Variants in ROBO1 observed in about 807,000 individuals in gnomAD.
ROBO1 encodes roundabout homolog 1.
ROBO1 carries 149 observed loss-of-function variants against 195.9 expected under a neutral mutation model. The ratio of observed to expected loss-of-function variants is 0.76; its 90% CI spans 0.67 to 0.87. ROBO1 has a LOEUF of 0.87. Among genes scored for constraint, ROBO1 ranks in the 40% least tolerant of loss-of-function variants. The pLI is 0.00. For missense variants in ROBO1, 1,933 were observed against 2,068.3 expected (o/e 0.93, Z 1.27); for synonymous variants, 816 against 733.2 (o/e 1.11, Z -1.82).
chr3:79,289,469 A>G (rs951364105), intron 2 of ROBO1, among the ~76,000 whole-genome samples: 4 of 152,154 alleles, frequency 2.6e-5, no homozygotes, highest in African/African-American at 9.7e-5. Context: ...CTTTTAAACC[A>G]ATGGATGTCT....
At chr3:79,512,031 C>T (rs952690751) in intron 2 of ROBO1, among the ~76,000 whole-genome samples, 10 of 152,022 alleles carry the variant, frequency 6.6e-5, no homozygotes, top group Non-Finnish European at 1.5e-4. Flanking sequence ...AACACGTTTA[C>T]CTTTGTAACT....
Position 79,314,947 on chromosome 3 carries a change from G to A in ROBO1, c.89-189408C>T, listed in dbSNP as rs373253337. Among the ~76,000 whole-genome samples the A allele has an allele frequency of 2.2e-3, 331 of 152,326 alleles. 1 individual carries two copies. Among genetic ancestry groups the A allele is most frequent in the African/African-American group, 6.9e-3 (289 of 41,584 alleles). Reference sequence around the variant, plus strand: ...AGAAGAATAGGAAATAATAGAGTTGGAGAGTGCAGTTTTAGAGTGGATAGT... The same window carrying A: ...AGAAGAATAGGAAATAATAGAGTTGAAGAGTGCAGTTTTAGAGTGGATAGT... On this transcript the variant is annotated intron_variant, in intron 2 of 30. Coordinates refer to ENST00000464233, the MANE Select transcript of ROBO1 (RefSeq NM_002941.4).
chr3:78,673,043 A>C (rs940570936), intron 10 of ROBO1, among the ~76,000 whole-genome samples: 2 of 152,114 alleles, frequency 1.3e-5, no homozygotes, highest in African/African-American at 4.8e-5. Flanking sequence ...GGGGAATTGG[A>C]TATGCAATTG....
chr3:78,948,359 C>T (rs1478767445), intron 3 of ROBO1, among the ~76,000 whole-genome samples: 2 of 152,158 alleles, frequency 1.3e-5, no homozygotes, highest in African/African-American at 2.4e-5. Context: ...GCTGGTTCAA[C>T]ATACACAAAT....
chr3:79,444,572 A>C (rs1331276197), intron 2 of ROBO1, among the ~76,000 whole-genome samples: 1 of 152,156 alleles, frequency 6.6e-6, no homozygotes, highest in Non-Finnish European at 1.5e-5. Context: ...TTGAACATTC[A>C]TATGTCCTAC....
intron 4 of ROBO1, among the ~76,000 whole-genome samples, chr3:78,907,821 G>A (rs1324136139): frequency 1.3e-5 from 2 of 151,700 alleles, no homozygotes; most frequent in African/African-American, 4.8e-5. Flanking sequence ...GGTACATTAA[G>A]AAAAACATGA....
At chr3:79,392,660 A>G (rs2036997434) in intron 2 of ROBO1, among the ~76,000 whole-genome samples, 1 of 152,186 alleles carries the variant, frequency 6.6e-6, no homozygotes, top group Non-Finnish European at 1.5e-5. Flanking sequence ...TGAAACCCCA[A>G]TGACTAGGAC....
chr3:78,863,987 T>G (rs1318539699), intron 4 of ROBO1, among the ~76,000 whole-genome samples: 1 of 152,228 alleles, frequency 6.6e-6, no homozygotes, highest in African/African-American at 2.4e-5. Context: ...TGTAAAGTGC[T>G]AAGGGATTAC....
At chr3:79,374,852 T>C (rs1484159979) in intron 2 of ROBO1, among the ~76,000 whole-genome samples, 5 of 152,078 alleles carry the variant, frequency 3.3e-5, no homozygotes, top group Non-Finnish European at 5.9e-5. Context: ...TTTTTTCTAA[T>C]TCATATTAAC....
chr3:78,614,730 A>G lies in ROBO1; in HGVS notation c.4353T>C (p.Ser1451=), dbSNP rs1444619283. The G allele has an allele frequency of 1.1e-5, 18 of 1,612,806 alleles. No homozygotes were observed. The highest frequency in any genetic ancestry group is 1.7e-5 in the Admixed American group (1 of 59,836). Residue 1451 remains serine (S), a synonymous_variant, in exon 28 of 31, where the codon AGT becomes AGC. Transcript: ENST00000464233. The part of the protein sequence containing the change: ...TSPVSTDSNM[S]AAVMQKTRPA... The stretch of plus-strand genomic sequence containing the variant: ...GTCTGGTTTTCTGCATTACGGCGGC[A>G]CTCATGTTGCTGTCTGTAGACACGG...
chr3:78,940,366 T>C (rs1409467965), intron 3 of ROBO1, among the ~76,000 whole-genome samples: 1 of 152,238 alleles, frequency 6.6e-6, no homozygotes, highest in East Asian at 1.9e-4. Context: ...GCAAATATAA[T>C]GTGGGTTGTC....
At chr3:79,116,973 A>G (rs1052296897) in intron 3 of ROBO1, among the ~76,000 whole-genome samples, 1 of 152,226 alleles carries the variant, frequency 6.6e-6, no homozygotes, top group African/African-American at 2.4e-5. Flanking sequence ...CCATGGATGC[A>G]GAAGTGGTGA....
In ROBO1 at chr3:78,760,168, C is replaced by T. The variant is rs370027123; in HGVS notation, c.500-13268G>A. Among the ~76,000 whole-genome samples the T allele has an allele frequency of 1.4e-4, 21 of 152,202 alleles. No individual in the cohort carries two copies. The South Asian group carries it at 3.1e-3, about 23-fold the overall frequency. The stretch of plus-strand genomic sequence containing the variant: ...TATGTGAGACGTGACTTTCACCTTC[C>T]GCCATGATTGTGAGGCCTCCCCAGC... On this transcript the variant is annotated intron_variant, in intron 4 of 30. Transcript: ENST00000464233.
intron 3 of ROBO1, among the ~76,000 whole-genome samples, chr3:79,081,224 T>C (rs1195199934): frequency 6.6e-6 from 1 of 151,990 alleles, no homozygotes. Context: ...AGAAGCTTGC[T>C]ATAGATATTG....
chr3:79,338,922 C>T (rs1352951534), intron 2 of ROBO1, among the ~76,000 whole-genome samples: 1 of 152,122 alleles, frequency 6.6e-6, no homozygotes, highest in African/African-American at 2.4e-5. Flanking sequence ...ATTAAAAAAT[C>T]AAACTTTGAT....
At chr3:79,727,345 T>A (rs75471029) in intron 1 of ROBO1, among the ~76,000 whole-genome samples, 1,914 of 152,256 alleles carry the variant, frequency 0.013, 35 homozygotes, top group African/African-American at 0.042. Flanking sequence ...CTAATATGAT[T>A]AATTTTGTAG....
chr3:79,000,595 A>C (rs558763357), intron 3 of ROBO1, among the ~76,000 whole-genome samples: 1 of 152,330 alleles, frequency 6.6e-6, no homozygotes, highest in East Asian at 1.9e-4. Context: ...CACCAGTTAG[A>C]ATGGCGATCA....
At chr3:79,648,465 C>T (rs887699219) in intron 1 of ROBO1, among the ~76,000 whole-genome samples, 6 of 151,988 alleles carry the variant, frequency 3.9e-5, no homozygotes, top group East Asian at 1.9e-4. Context: ...ACACCATGAG[C>T]GTGAGTTTGT....
Position 78,836,631 on chromosome 3 carries a change from C to T in ROBO1, c.500-89731G>A, listed in dbSNP as rs368639627. On this transcript the variant is annotated intron_variant, in intron 4 of 30. Transcript: ENST00000464233. ...AAGAAGAATAACTTTTTTGCTAGGG[C>T]TAAACCAAAAAGACACAGAACAACA... Among the ~76,000 whole-genome samples the T allele has an allele frequency of 1.2e-4, 18 of 151,846 alleles. No homozygotes were observed. The East Asian group carries it at 2.9e-3, about 24-fold the overall frequency.
Sources: gnomAD v4.1 joint callset for allele counts (sites outside exome capture counted in the v4.1 genomes callset) on GRCh38, gnomAD v4.1.1 for gene constraint, MANE v1.5 for transcripts, NCBI Gene and HGNC (gene_info 2026-07-23, HGNC 2026-07-21) for gene names.